The following DPYS variants were observed in gnomAD, a reference collection of about 807,000 sequenced individuals.
DPYS encodes the protein dihydropyrimidine amidohydrolase.
DPYS carries 39 observed loss-of-function variants against 50.3 expected under a neutral mutation model. That is an observed-to-expected ratio of 0.78 (90% CI 0.60 to 1.01). DPYS has a LOEUF of 1.01. DPYS is among the 50% of genes least tolerant of loss of function. The pLI is 0.00. For missense variants in DPYS, 659 were observed against 680.9 expected (o/e 0.97, Z 0.36); for synonymous variants, 245 against 250.7 (o/e 0.98, Z 0.22).
chr8:104,416,431 T>C (rs1174438338), intron 7 of DPYS, among the ~76,000 whole-genome samples: 3 of 152,166 alleles, frequency 2.0e-5, no homozygotes, highest in South Asian at 2.1e-4. Flanking sequence ...AGCCCTGATA[T>C]TGTGTTACAA....
rs1814423398 is a variant in DPYS at position 104,466,769 on chromosome 8, A to AC, written c.151dup (p.Val51GlyfsTer50). On this transcript the variant is annotated frameshift_variant, in exon 1 of 10. Coordinates refer to ENST00000351513, the MANE Select transcript of DPYS (RefSeq NM_001385.3). LOFTEE classifies it high-confidence loss of function. ...GACGAGCTTGCCGGCGGCGTCGAGG[A>AC]CCCGCAGCCCCGCAGGAGCGCCCCC... The AC allele has an allele frequency of 6.5e-7, 1 of 1,534,074 alleles. No individual in the cohort carries two copies. Among genetic ancestry groups the AC allele is most frequent in the Admixed American group, 2.0e-5 (1 of 50,828 alleles).
intron 8 of DPYS, among the ~76,000 whole-genome samples, chr8:104,392,575 T>C (rs552608150): frequency 6.6e-6 from 1 of 152,262 alleles, no homozygotes; most frequent in East Asian, 1.9e-4. Flanking sequence ...AACTGACCTA[T>C]CAGTCTGCAA....
At chr8:104,380,926 T>A in intron 9 of DPYS, 1 of 406,488 alleles carries the variant, frequency 2.5e-6, no homozygotes, top group Non-Finnish European at 4.6e-6. Context: ...TGCAACTTGC[T>A]CATAGTTGAT....
At chr8:104,433,179 T>C (rs1813012413) in intron 4 of DPYS, among the ~76,000 whole-genome samples, 2 of 152,150 alleles carry the variant, frequency 1.3e-5, no homozygotes, top group Admixed American at 1.3e-4. Flanking sequence ...GTCACCTTGG[T>C]TTTGGACTTA....
chr8:104,421,926 G>A (rs752552024), intron 7 of DPYS, among the ~76,000 whole-genome samples: 1 of 152,132 alleles, frequency 6.6e-6, no homozygotes, highest in Non-Finnish European at 1.5e-5. Flanking sequence ...AGTCTAAAAC[G>A]TGACTCAAAG....
rs902889174 is a variant in DPYS at position 104,381,065 on chromosome 8, T to C, written c.*14+119A>G. On this transcript the variant is annotated intron_variant, in intron 9 of 9. Transcript: ENST00000351513. ...GATCAATCTTCCCTTGGCTCAATTG[T>C]CCTTGAGTCTTGGATCACTGTGAAG... 18 of 848,164 alleles carry C rather than the reference T, an allele frequency of 2.1e-5. No homozygotes were observed. In the African/African-American group the frequency reaches 2.8e-4, roughly 13 times the overall value. The allele number at this position is 848,164 out of a possible 1,614,324, so 52.5% of individuals were successfully genotyped here.
chr8:104,440,627 T>C lies in DPYS; in HGVS notation c.793+3621A>G, dbSNP rs185039788. Among the ~76,000 whole-genome samples, 253 of 151,924 alleles carry C rather than the reference T, an allele frequency of 1.7e-3. 3 individuals are homozygous for C. The highest frequency in any genetic ancestry group is 0.014 in the Admixed American group (217 of 15,260). On this transcript the variant is annotated intron_variant, in intron 4 of 9. Coordinates refer to ENST00000351513, the MANE Select transcript of DPYS (RefSeq NM_001385.3). ...CAAAAAAATTAGCTGGGCATAGTAGTGGGAGCCTGTAATCCCAGCTACTCG... is the reference window on the plus strand; with the variant it reads ...CAAAAAAATTAGCTGGGCATAGTAGCGGGAGCCTGTAATCCCAGCTACTCG...
rs755785103 is a variant in DPYS, at chr8:104,392,921, C to A, written c.1306G>T (p.Val436Leu). ...CCTCTTGAAATAGTCACAAGGGGCA[C>A]CCCGTGGCAAACCATGCCCTCGAAA... Reference protein sequence around the residue: ...NIFEGMVCHGVPLVTISRGKV... With the variant: ...NIFEGMVCHGLPLVTISRGKV... The change falls in exon 8 of 10, where the codon GTG (valine) becomes TTG (leucine). Residue 436 changes from valine to leucine, a missense_variant. Transcript: ENST00000351513. 33 of 1,614,090 alleles carry A rather than the reference C, an allele frequency of 2.0e-5. No individual in the cohort carries two copies. Among genetic ancestry groups the A allele is most frequent in the Admixed American group, 1.0e-4 (6 of 60,002 alleles).
intron 1 of DPYS, among the ~76,000 whole-genome samples, chr8:104,456,451 A>G (rs1300899476): frequency 6.6e-6 from 1 of 152,228 alleles, no homozygotes; most frequent in Non-Finnish European, 1.5e-5. Context: ...CAAATGCTCC[A>G]CCTTCCTAAT....
At chr8:104,457,511 T>G (rs1441329212) in intron 1 of DPYS, among the ~76,000 whole-genome samples, 2 of 152,224 alleles carry the variant, frequency 1.3e-5, no homozygotes, top group African/African-American at 4.8e-5. Flanking sequence ...TCCAAATGCA[T>G]TTTCTTCCCT....
At chr8:104,457,660 A>C (rs773016267) in intron 1 of DPYS, among the ~76,000 whole-genome samples, 1 of 152,214 alleles carries the variant, frequency 6.6e-6, no homozygotes, top group Non-Finnish European at 1.5e-5. Flanking sequence ...TTAATGAGAA[A>C]AGTTCGTGGC....
chr8:104,390,026 A>C (rs1169193507), intron 8 of DPYS, among the ~76,000 whole-genome samples: 1 of 152,238 alleles, frequency 6.6e-6, no homozygotes, highest in Non-Finnish European at 1.5e-5. Context: ...TTTCTCTACA[A>C]GAAGACTAAG....
chr8:104,403,167 C>T (rs1811877527), intron 7 of DPYS, among the ~76,000 whole-genome samples: 1 of 152,214 alleles, frequency 6.6e-6, no homozygotes, highest in Non-Finnish European at 1.5e-5. Flanking sequence ...ACTTCCATCT[C>T]TCCAGATCTG....
chr8:104,401,982 C>T (rs942826972), intron 7 of DPYS, among the ~76,000 whole-genome samples: 3 of 152,226 alleles, frequency 2.0e-5, no homozygotes, highest in Admixed American at 6.5e-5. Flanking sequence ...ACTTGGAACT[C>T]TACCGGTGCT....
At position 104,427,911 on chromosome 8, in the gene DPYS, T is replaced by C. The variant is rs1005186522; in HGVS notation, c.1092+69A>G. 11 of 1,611,494 alleles carry C rather than the reference T, an allele frequency of 6.8e-6. No individual in the cohort carries two copies. In the African/African-American group the frequency reaches 1.1e-4, roughly 16 times the overall value. On this transcript the variant is annotated intron_variant, in intron 6 of 9. Transcript: ENST00000351513. ...TTCTCTATGAAAATTTGTGCCACTC[T>C]GGTCCTCAAATGGGCAGGATCCTGG...
intron 6 of DPYS, among the ~76,000 whole-genome samples, 199 bp from the exon 7 acceptor site, chr8:104,424,588 A>C (rs1812658799): frequency 1.3e-5 from 2 of 152,234 alleles, no homozygotes; most frequent in African/African-American, 4.8e-5. Flanking sequence ...TGGAAGCCTG[A>C]AGATGACTTT....
At chr8:104,457,813 A>G (rs1813981282) in intron 1 of DPYS, among the ~76,000 whole-genome samples, 1 of 152,090 alleles carries the variant, frequency 6.6e-6, no homozygotes, top group African/African-American at 2.4e-5. Flanking sequence ...TTGCCTCCCT[A>G]AGTTTGGAAT....
chr8:104,392,627 C>A (rs970323671), intron 8 of DPYS, among the ~76,000 whole-genome samples, 157 bp downstream of exon 8: 1 of 152,128 alleles, frequency 6.6e-6, no homozygotes, highest in African/African-American at 2.4e-5. Context: ...TATCTAAAAA[C>A]TGGCATCTCT....
chr8:104,419,044 T>G, intron 7 of DPYS: 1 of 985,464 alleles, frequency 1.0e-6, no homozygotes, highest in Non-Finnish European at 1.2e-6. Flanking sequence ...ACAAACTCGT[T>G]GCTCCAACCT....
Sources: gnomAD v4.1 joint callset for allele counts (sites outside exome capture counted in the v4.1 genomes callset) on GRCh38, gnomAD v4.1.1 for gene constraint, MANE v1.5 for transcripts, NCBI Gene and HGNC (gene_info 2026-07-23, HGNC 2026-07-21) for gene names.